Variants in SAFB2 observed in about 807,000 individuals in gnomAD.
The protein encoded by SAFB2 is scaffold attachment factor B2.
In SAFB2, 32 loss-of-function variants were observed where a neutral mutation model predicts 100.6. The observed-to-expected ratio is 0.32, with a 90% CI of 0.24 to 0.43. The LOEUF is 0.43. Ranked by LOEUF, SAFB2 falls within the 20% of genes least tolerant of loss-of-function variation. The pLI is 1.00. For missense variants in SAFB2, 1,185 were observed against 1,163.4 expected (o/e 1.02, Z -0.27); for synonymous variants, 500 against 439.4 (o/e 1.14, Z -1.72).
intron 13 of SAFB2, among the ~76,000 whole-genome samples, chr19:5,597,714 A>G (rs1247683948): frequency 2.0e-5 from 3 of 152,190 alleles, no homozygotes; most frequent in African/African-American, 7.2e-5. Flanking sequence ...TCACAGTTAC[A>G]TGGGGGTAAG....
chr19:5,598,759 C>G, intron 13 of SAFB2, 34 bp downstream of exon 13: 1 of 1,583,984 alleles, frequency 6.3e-7, no homozygotes, highest in South Asian at 1.1e-5. Flanking sequence ...TCGTGAGAAA[C>G]AGCTGGCCCT....
intron 2 of SAFB2, among the ~76,000 whole-genome samples, chr19:5,619,098 G>A (rs1042661552): frequency 6.6e-6 from 1 of 152,220 alleles, no homozygotes; most frequent in African/African-American, 2.4e-5. Context: ...CATAGTGCTT[G>A]AAACGAAAAT....
rs2052480536 is a variant in SAFB2 at position 5,594,048 on chromosome 19, G to A, written c.2050C>T (p.Arg684Trp). ...RQRLERERME[R>W]ERLERERMRV... The stretch of plus-strand genomic sequence containing the variant: ...ATGCGCTCGCGCTCCAGCCGCTCCC[G>A]CTCCATGCGCTCCCGCTCCAGCCGC... Residue 684 changes from arginine to tryptophan, a missense_variant, in exon 15 of 21, where the codon CGG becomes TGG. Arg to Trp is a moderately radical substitution (Grantham distance 101). This residue lies in a region of SAFB2 where 740 missense variants were observed against 687.1 expected (regional missense o/e 1.08). Transcript: ENST00000252542. 1 of 1,583,874 alleles carries A rather than the reference G, an allele frequency of 6.3e-7. No individual in the cohort carries two copies.
At chr19:5,616,050 G>T in intron 4 of SAFB2, 82 bp downstream of exon 4, 2 of 1,302,556 alleles carry the variant, frequency 1.5e-6, no homozygotes, top group Non-Finnish European at 2.2e-6. Flanking sequence ...GTTTAGCTGT[G>T]TTCTCCCTCA....
At position 5,604,605 on chromosome 19, in the gene SAFB2, AATG is replaced by A; in HGVS notation, c.1534_1536del (p.His512del). The A allele has an allele frequency of 6.2e-7, 1 of 1,613,966 alleles. No homozygotes were observed. The highest frequency in any genetic ancestry group is 8.5e-7 in the Non-Finnish European group (1 of 1,179,860). On this transcript the variant is annotated inframe_deletion, in exon 11 of 21. Coordinates refer to ENST00000252542, the MANE Select transcript of SAFB2 (RefSeq NM_014649.3). ...TACTTTTCAATTTTGATCTCCACAG[AATG>A]ATGTCTGTCGACACTCGATAATTTT... is the stretch of plus-strand genomic sequence containing the variant.
Position 5,601,437 on chromosome 19 carries a change from G to A in SAFB2, c.1560-1177C>T, listed in dbSNP as rs148427633. On this transcript the variant is annotated intron_variant, in intron 11 of 20. Coordinates refer to ENST00000252542, the MANE Select transcript of SAFB2 (RefSeq NM_014649.3). Reference sequence around the variant, plus strand: ...TTAAAGAAGGGTTTTTAGGCTGGTCGCGGTGGCTCATGCCTGTAATCCCAG... The same window carrying A: ...TTAAAGAAGGGTTTTTAGGCTGGTCACGGTGGCTCATGCCTGTAATCCCAG... Among the ~76,000 whole-genome samples, 14 of 152,196 alleles carry A rather than the reference G, an allele frequency of 9.2e-5. No individual in the cohort carries two copies. The East Asian group carries it at 2.5e-3, about 27-fold the overall frequency.
At chr19:5,614,922 A>T (rs1329673662) in intron 4 of SAFB2, among the ~76,000 whole-genome samples, 1 of 152,236 alleles carries the variant, frequency 6.6e-6, no homozygotes, top group Non-Finnish European at 1.5e-5. Flanking sequence ...TTAAAACAAC[A>T]TTAACAGGCT....
chr19:5,609,857 T>A, intron 9 of SAFB2, 138 bp downstream of exon 9: 1 of 726,614 alleles, frequency 1.4e-6, no homozygotes, highest in South Asian at 1.6e-5. Context: ...AGGCTGGTCT[T>A]GAACTCCTGG....
intron 8 of SAFB2, 61 bp downstream of exon 8, chr19:5,610,577 GC>G: frequency 8.3e-7 from 1 of 1,199,902 alleles, no homozygotes; most frequent in South Asian, 1.3e-5. Flanking sequence ...ATATCTCCAG[GC>G]CCCTCCTCCC....
In SAFB2 at chr19:5,622,676, C is replaced by T. The variant is rs2053196623; in HGVS notation, c.40G>A (p.Gly14Ser). 2 of 1,607,614 alleles carry T rather than the reference C, an allele frequency of 1.2e-6. No homozygotes were observed. Among genetic ancestry groups the T allele is most frequent in the South Asian group, 1.1e-5 (1 of 90,770 alleles). The change falls in exon 1 of 21, where the codon GGC becomes AGC. Residue 14 changes from glycine (G) to serine (S), a missense_variant. Physicochemically the swap from Gly to Ser is moderately conservative, Grantham distance 56. This residue lies in a region of SAFB2 where 351 missense variants were observed against 341.2 expected (regional missense o/e 1.03). Coordinates refer to ENST00000252542, the MANE Select transcript of SAFB2 (RefSeq NM_014649.3). ...TLPGSGDSGP[G>S]TASLGPGVAE... is the part of the protein sequence containing the mutation. ...ACGCCCGGGCCGAGAGAAGCCGTGC[C>T]AGGGCCCGAGTCGCCCGACCCGGGC...
chr19:5,609,609 T>A (rs2052861576), intron 9 of SAFB2, among the ~76,000 whole-genome samples: 1 of 152,174 alleles, frequency 6.6e-6, no homozygotes, highest in Non-Finnish European at 1.5e-5. Flanking sequence ...CTTTAAGTTT[T>A]GCACAAGACA....
At chr19:5,610,591 A>T (rs1263117227) in intron 8 of SAFB2, 48 bp downstream of exon 8, 1 of 1,410,416 alleles carries the variant, frequency 7.1e-7, no homozygotes, top group South Asian at 1.2e-5. Context: ...CTCCTCCCAA[A>T]ATAAGGGAAC....
intron 13 of SAFB2, among the ~76,000 whole-genome samples, chr19:5,597,057 G>A (rs921037368): frequency 3.9e-5 from 6 of 152,054 alleles, no homozygotes; most frequent in African/African-American, 1.2e-4. Flanking sequence ...CCTACGAGAC[G>A]GGCAGATGTC....
At chr19:5,616,078 C>A (rs780218565) in intron 4 of SAFB2, 54 bp downstream of exon 4, 5 of 1,556,674 alleles carry the variant, frequency 3.2e-6, no homozygotes, top group South Asian at 1.1e-5. Flanking sequence ...AGCACGCGAG[C>A]ACCAGGTGCC....
At chr19:5,589,847 A>G (rs2052350356) in intron 18 of SAFB2, among the ~76,000 whole-genome samples, 1 of 152,092 alleles carries the variant, frequency 6.6e-6, no homozygotes, top group South Asian at 2.1e-4. Flanking sequence ...TAGGGTTGAG[A>G]AGATCCACCC....
chr19:5,591,752 C>T lies in SAFB2; in HGVS notation c.2390G>A (p.Gly797Glu). 6.2e-7 allele frequency: 1 copy of T among 1,613,974 alleles called. No homozygotes were observed. Among genetic ancestry groups the T allele is most frequent in the Non-Finnish European group, 8.5e-7 (1 of 1,179,928 alleles). ...SRPMMGDHRDGQHYGDDRHGH... is the reference protein window; with the variant it reads ...SRPMMGDHRDEQHYGDDRHGH... ...TGGCATCGGGGCTCTACTCACCTGC[C>T]CATCCCGGTGGTCTCCCATCATTGG... The change falls in exon 17 of 21, where the codon GGG (glycine) becomes GAG (glutamate). Residue 797 changes from glycine (G) to glutamate (E), a missense_variant. Physicochemically the swap from Gly to Glu is moderately conservative, Grantham distance 98. Transcript: ENST00000252542.
intron 11 of SAFB2, among the ~76,000 whole-genome samples, chr19:5,603,796 G>A (rs970932411): frequency 6.6e-6 from 1 of 152,210 alleles, no homozygotes; most frequent in Non-Finnish European, 1.5e-5. Flanking sequence ...GTCAGACACA[G>A]CACCAACTGC....
intron 11 of SAFB2, among the ~76,000 whole-genome samples, chr19:5,601,644 G>A (rs1860057405): frequency 6.6e-6 from 1 of 151,968 alleles, no homozygotes; most frequent in South Asian, 2.1e-4. Context: ...CCCAGGAGGT[G>A]GAGGTTGCAG....
At chr19:5,610,170 C>A in intron 8 of SAFB2, 75 bp from the exon 9 acceptor site, 3 of 1,261,606 alleles carry the variant, frequency 2.4e-6, no homozygotes, top group Non-Finnish European at 3.4e-6. Flanking sequence ...AGACCGCAGC[C>A]CTCTTTAAAA....
Sources: allele counts gnomAD v4.1 joint callset (sites outside exome capture counted in the v4.1 genomes callset), GRCh38; gene constraint gnomAD v4.1.1; regional missense constraint gnomAD v4.1.1; transcripts MANE v1.5; gene names NCBI Gene and HGNC (gene_info 2026-07-23, HGNC 2026-07-21).